CMSS1: variants seen among roughly 807,000 people sequenced by gnomAD.
The protein encoded by CMSS1 is cms1 ribosomal small subunit homolog.
A neutral mutation model predicts 43.5 loss-of-function variants in CMSS1; 33 were observed. That is an observed-to-expected ratio of 0.76 (90% CI 0.57 to 1.01). The LOEUF (loss-of-function observed/expected upper bound fraction) is 1.01, where lower values mean the gene tolerates loss of function less well. Ranked by LOEUF, CMSS1 falls within the 50% of genes least tolerant of loss-of-function variation. CMSS1 has a pLI of 0.00. For synonymous variants in CMSS1, 115 were observed against 117.2 expected (o/e 0.98, Z 0.12); for missense variants, 313 against 326.4 (o/e 0.96, Z 0.32).
At chr3:100,086,196 G>A (rs2066005825) in intron 1 of CMSS1, among the ~76,000 whole-genome samples, 1 of 152,180 alleles carries the variant, frequency 6.6e-6, no homozygotes, top group Non-Finnish European at 1.5e-5. Flanking sequence ...TCTTTGACCT[G>A]CCATGGGCTG....
chr3:99,887,913 T>C (rs1033328575), intron 1 of CMSS1, among the ~76,000 whole-genome samples: 1 of 152,004 alleles, frequency 6.6e-6, no homozygotes, highest in Admixed American at 6.6e-5. Context: ...GGCTAATTTT[T>C]TTTTTCCATA....
At chr3:99,900,999 T>C (rs1395923031) in intron 1 of CMSS1, among the ~76,000 whole-genome samples, 1 of 152,230 alleles carries the variant, frequency 6.6e-6, no homozygotes, top group Non-Finnish European at 1.5e-5. Context: ...CCAGTTTGCT[T>C]TGCTTCTTAT....
chr3:99,991,946 A>G (rs1445324285), intron 1 of CMSS1, among the ~76,000 whole-genome samples: 6 of 148,638 alleles, frequency 4.0e-5, no homozygotes, highest in African/African-American at 9.9e-5. Flanking sequence ...ATGTGTATAT[A>G]TGTGTATATA....
intron 1 of CMSS1, among the ~76,000 whole-genome samples, chr3:100,067,329 G>A (rs1474275365): frequency 6.6e-6 from 1 of 152,204 alleles, no homozygotes; most frequent in Non-Finnish European, 1.5e-5. Context: ...TACCTATGGT[G>A]CAGGTGAAAG....
intron 1 of CMSS1, among the ~76,000 whole-genome samples, chr3:100,081,800 G>A (rs1385273950): frequency 6.6e-6 from 1 of 152,052 alleles, no homozygotes; most frequent in Non-Finnish European, 1.5e-5. Flanking sequence ...TTCTCCTTCT[G>A]TTCTGGGTCT....
At chr3:100,033,190 G>GA (rs1276181892) in intron 1 of CMSS1, among the ~76,000 whole-genome samples, 2 of 152,152 alleles carry the variant, frequency 1.3e-5, no homozygotes, top group South Asian at 4.1e-4. Context: ...TAAAACCTTA[G>GA]AAAAAATCAA....
intron 1 of CMSS1, among the ~76,000 whole-genome samples, chr3:100,080,098 C>A (rs1195504022): frequency 6.6e-6 from 1 of 152,048 alleles, no homozygotes; most frequent in Non-Finnish European, 1.5e-5. Flanking sequence ...TACTCCATCC[C>A]TCTGCTGAAA....
chr3:99,945,319 G>T (rs1052995267), intron 1 of CMSS1, among the ~76,000 whole-genome samples: 2 of 152,180 alleles, frequency 1.3e-5, no homozygotes, highest in Non-Finnish European at 2.9e-5. Flanking sequence ...GGCTTACCCA[G>T]ACTGCTTCCC....
intron 1 of CMSS1, among the ~76,000 whole-genome samples, chr3:100,037,095 A>T (rs984062351): frequency 2.0e-5 from 3 of 151,916 alleles, no homozygotes; most frequent in Non-Finnish European, 2.9e-5. Context: ...AGGAAATGCA[A>T]ACAGAACAGT....
intron 1 of CMSS1, among the ~76,000 whole-genome samples, chr3:100,011,205 T>C (rs552177122): frequency 2.6e-5 from 4 of 152,292 alleles, no homozygotes; most frequent in Admixed American, 2.6e-4. Context: ...CTATATTTGA[T>C]ACACTTTCTG....
chr3:100,066,517 C>CTTTTTT (rs545356638), intron 1 of CMSS1, among the ~76,000 whole-genome samples: 13 of 38,322 alleles, frequency 3.4e-4, no homozygotes, highest in African/African-American at 4.5e-4. Flanking sequence ...GGCTTTGCTT[C>CTTTTTT]TTTTTTTTTT....
At chr3:99,929,460 A>G (rs1203669534) in intron 1 of CMSS1, among the ~76,000 whole-genome samples, 1 of 152,034 alleles carries the variant, frequency 6.6e-6, no homozygotes, top group East Asian at 1.9e-4. Flanking sequence ...ATTAACCTCT[A>G]TGGTTGAACT....
At chr3:99,930,779 C>A in intron 1 of CMSS1, 1 of 1,613,244 alleles carries the variant, frequency 6.2e-7, no homozygotes, top group African/African-American at 1.3e-5. Context: ...CTGCAGTTCT[C>A]CCTCCAGAAT....
intron 1 of CMSS1, among the ~76,000 whole-genome samples, chr3:99,937,620 G>T (rs1707720490): frequency 6.6e-6 from 1 of 152,186 alleles, no homozygotes; most frequent in Non-Finnish European, 1.5e-5. Context: ...TATTTGGTTA[G>T]CACAGGGCCC....
chr3:99,975,062 C>T (rs1411978795), intron 1 of CMSS1, among the ~76,000 whole-genome samples: 1 of 152,130 alleles, frequency 6.6e-6, no homozygotes, highest in African/African-American at 2.4e-5. Context: ...TGCTAATGTT[C>T]CAGGAACTAT....
At chr3:100,057,491 G>A (rs576478605) in intron 1 of CMSS1, among the ~76,000 whole-genome samples, 30 of 152,336 alleles carry the variant, frequency 2.0e-4, no homozygotes, top group Admixed American at 4.6e-4. Context: ...AACATTACAT[G>A]TTCTTGGGTA....
chr3:100,143,239 C>T (rs964490638), intron 1 of CMSS1, among the ~76,000 whole-genome samples: 3 of 152,120 alleles, frequency 2.0e-5, no homozygotes, highest in African/African-American at 7.2e-5. Flanking sequence ...TGCTATCTTC[C>T]TTTCTAATGT....
chr3:99,922,663 T>C (rs1172752576), intron 1 of CMSS1, among the ~76,000 whole-genome samples: 1 of 152,216 alleles, frequency 6.6e-6, no homozygotes, highest in East Asian at 1.9e-4. Context: ...ACTTTCCATC[T>C]TTTCAGTATC....
intron 1 of CMSS1, among the ~76,000 whole-genome samples, chr3:100,102,865 A>G (rs1452430169): frequency 1.3e-5 from 2 of 152,242 alleles, no homozygotes; most frequent in Non-Finnish European, 2.9e-5. Flanking sequence ...TTTTCTGTTT[A>G]GGGAATGTTG....
Sources: allele counts gnomAD v4.1 joint callset (sites outside exome capture counted in the v4.1 genomes callset), GRCh38; gene constraint gnomAD v4.1.1; transcripts MANE v1.5; gene names NCBI Gene and HGNC (gene_info 2026-07-23, HGNC 2026-07-21).